The following GDA variants were observed in gnomAD, a reference collection of about 807,000 sequenced individuals.
GDA encodes guanine deaminase.
A neutral mutation model predicts 59.6 loss-of-function variants in GDA; 18 were observed. The observed-to-expected ratio is 0.30, with a 90% CI of 0.21 to 0.45. GDA has a LOEUF of 0.45. Ranked by LOEUF, GDA falls within the 20% of genes least tolerant of loss-of-function variation. The pLI, the probability that GDA is intolerant of heterozygous loss-of-function variation, is 1.00. For missense variants in GDA, 427 were observed against 552.3 expected (o/e 0.77, Z 2.27); for synonymous variants, 201 against 201.1 (o/e 1.00, Z 0.00).
chr9:72,195,618 G>A, intron 2 of GDA, 30 bp downstream of exon 2: 1 of 970,486 alleles, frequency 1.0e-6, no homozygotes, highest in South Asian at 1.7e-5. Context: ...CTTTTACTGG[G>A]TGCCACTAAT....
Position 72,245,277 on chromosome 9 carries a change from A to C in GDA, c.1265A>C (p.Glu422Ala). The change falls in exon 12 of 14, where the codon GAG (glutamate) becomes GCG (alanine). Residue 422 changes from glutamate (E) to alanine (A), a missense_variant and splice_region_variant. Physicochemically the swap from Glu to Ala is moderately radical, Grantham distance 107. Coordinates refer to ENST00000358399, the MANE Select transcript of GDA (RefSeq NM_004293.5). The stretch of plus-strand genomic sequence containing the variant: ...GGGGACTTTTTTGGTGATATTTCTG[A>C]GGTAAGTAAAAGAAAGTTAATCAAA... ...FYGDFFGDIS[E>A]AVIQKFLYLG... 1 of 1,606,812 alleles carries C rather than the reference A, an allele frequency of 6.2e-7. No individual in the cohort carries two copies. Among genetic ancestry groups the C allele is most frequent in the East Asian group, 2.2e-5 (1 of 44,828 alleles).
At position 72,213,647 on chromosome 9, in the gene GDA, C is replaced by CA. The variant is rs554520963; in HGVS notation, c.473-233dup. Among the ~76,000 whole-genome samples, 924 of 151,208 alleles carry CA rather than the reference C, an allele frequency of 6.1e-3. 5 individuals are homozygous for CA. Among genetic ancestry groups the CA allele is most frequent in the Non-Finnish European group, 8.1e-3 (549 of 67,784 alleles). ...TGAAACCCCGTCTCTACTAAAAATACAAAAAATTAGCCGGGCGCGGTGGCG... is the reference window on the plus strand; with the variant it reads ...TGAAACCCCGTCTCTACTAAAAATACAAAAAAATTAGCCGGGCGCGGTGGCG... On this transcript the variant is annotated intron_variant, in intron 4 of 13. Transcript: ENST00000358399.
In GDA at chr9:72,231,315, G is replaced by A. The variant is rs1254661221; in HGVS notation, c.988+134G>A. 1.6e-5 allele frequency: 9 copies of A among 580,026 alleles called. No homozygotes were observed. In the East Asian group the frequency reaches 2.2e-4, roughly 14 times the overall value. The allele number at this position is 580,026 out of a possible 1,614,324, so 35.9% of individuals were successfully genotyped here. ...TTTTGGGCCGGGCACGGTAGCTCACGTCTGTAATCCCAGCACTTTGGGAGG... is the reference window on the plus strand; with the variant it reads ...TTTTGGGCCGGGCACGGTAGCTCACATCTGTAATCCCAGCACTTTGGGAGG... On this transcript the variant is annotated intron_variant, in intron 10 of 13. Coordinates refer to ENST00000358399, the MANE Select transcript of GDA (RefSeq NM_004293.5).
At chr9:72,163,045 T>C (rs1461877585) in intron 1 of GDA, among the ~76,000 whole-genome samples, 1 of 152,014 alleles carries the variant, frequency 6.6e-6, no homozygotes, top group Non-Finnish European at 1.5e-5. Context: ...CTGGAAGAGA[T>C]GAGTTAGAAA....
intron 10 of GDA, among the ~76,000 whole-genome samples, chr9:72,238,022 C>G: frequency 6.6e-6 from 1 of 152,196 alleles, no homozygotes; most frequent in East Asian, 1.9e-4. Context: ...GATCATGTCA[C>G]CCCCTTGTGC....
At chr9:72,228,143 A>G (rs778311600) in intron 9 of GDA, 103 bp downstream of exon 9, 2 of 721,656 alleles carry the variant, frequency 2.8e-6, no homozygotes, top group African/African-American at 1.7e-5. Flanking sequence ...TCTCCCCTCT[A>G]TTCTGTGTTT....
intron 1 of GDA, among the ~76,000 whole-genome samples, chr9:72,137,647 C>T (rs1018244945): frequency 1.2e-4 from 19 of 152,170 alleles, no homozygotes; most frequent in African/African-American, 3.9e-4. Context: ...GGATCTTACC[C>T]CACACTAAGG....
Position 72,250,507 on chromosome 9 carries a change from T to A in GDA, c.*2165T>A, listed in dbSNP as rs1029708113. 8 of 1,378,868 alleles carry A rather than the reference T, an allele frequency of 5.8e-6. No individual in the cohort carries two copies. The highest frequency in any genetic ancestry group is 7.5e-6 in the Non-Finnish European group (8 of 1,066,528). The allele number at this position is 1,378,868 out of a possible 1,614,324, so 85.4% of individuals were successfully genotyped here. A position where few individuals can be genotyped will look rare whatever the true frequency, so the allele number is the denominator to read the frequency against. ...TAGGATGTGTTGAAATATTTATATGTACTTTGATCTCTCCACATCACTTAT... is the reference window on the plus strand; with the variant it reads ...TAGGATGTGTTGAAATATTTATATGAACTTTGATCTCTCCACATCACTTAT... On this transcript the variant is annotated 3_prime_UTR_variant, in exon 14 of 14. Coordinates refer to ENST00000358399, the MANE Select transcript of GDA (RefSeq NM_004293.5).
chr9:72,164,508 G>A (rs1829044396), intron 1 of GDA, among the ~76,000 whole-genome samples: 1 of 152,142 alleles, frequency 6.6e-6, no homozygotes, highest in African/African-American at 2.4e-5. Flanking sequence ...AGGACATGCA[G>A]ACAGTAATCA....
intron 1 of GDA, among the ~76,000 whole-genome samples, chr9:72,122,100 C>T (rs1245826041): frequency 6.6e-6 from 1 of 152,180 alleles, no homozygotes; most frequent in African/African-American, 2.4e-5. Context: ...TTCATCCACT[C>T]ATACAACTTT....
chr9:72,144,473 A>C (rs1826550388), upstream of GDA, among the ~76,000 whole-genome samples: 1 of 152,240 alleles, frequency 6.6e-6, no homozygotes, highest in Non-Finnish European at 1.5e-5. Flanking sequence ...AAAATATATT[A>C]GTTCCATATA....
chr9:72,225,260 G>A (rs916868267), intron 7 of GDA, among the ~76,000 whole-genome samples: 3 of 152,172 alleles, frequency 2.0e-5, no homozygotes, highest in Non-Finnish European at 2.9e-5. Context: ...CAGCCTGGGC[G>A]ACAGAGCCAG....
intron 1 of GDA, among the ~76,000 whole-genome samples, chr9:72,183,323 C>T (rs1359468811): frequency 1.3e-5 from 2 of 152,154 alleles, no homozygotes; most frequent in Non-Finnish European, 2.9e-5. Context: ...ATTCCACCTG[C>T]CTCCTTGACA....
intron 1 of GDA, among the ~76,000 whole-genome samples, chr9:72,172,348 T>C (rs996305674): frequency 1.3e-5 from 2 of 152,210 alleles, no homozygotes; most frequent in Non-Finnish European, 2.9e-5. Context: ...CTTGTTACTT[T>C]TCATTCATTA....
At chr9:72,220,135 A>G (rs1008755555) in intron 6 of GDA, among the ~76,000 whole-genome samples, 5 of 152,298 alleles carry the variant, frequency 3.3e-5, no homozygotes, top group African/African-American at 9.6e-5. Context: ...ATTTGTGACA[A>G]TGTGGATGAA....
rs149928787 is a variant in GDA at position 72,222,476 on chromosome 9, T to C, written c.607-644T>C. Among the ~76,000 whole-genome samples, 1,043 of 152,334 alleles carry C rather than the reference T, an allele frequency of 6.8e-3. 14 individuals carry two copies. The highest frequency in any genetic ancestry group is 0.024 in the African/African-American group (1,004 of 41,578). On this transcript the variant is annotated intron_variant, in intron 6 of 13. Transcript: ENST00000358399. ...TGCTGGATATTAGACTTTTGTCAGATGCATAGTTTGCAGAAACTTTCTCCC... is the reference window on the plus strand; with the variant it reads ...TGCTGGATATTAGACTTTTGTCAGACGCATAGTTTGCAGAAACTTTCTCCC...
chr9:72,222,363 A>T (rs1836996137), intron 6 of GDA, among the ~76,000 whole-genome samples: 1 of 152,050 alleles, frequency 6.6e-6, no homozygotes, highest in African/African-American at 2.4e-5. Context: ...ATCATATGTA[A>T]AACAGTGAAA....
At chr9:72,226,135 A>G (rs1294261309) in intron 8 of GDA, among the ~76,000 whole-genome samples, 1 of 152,164 alleles carries the variant, frequency 6.6e-6, no homozygotes, top group Non-Finnish European at 1.5e-5. Flanking sequence ...AACAGTATCT[A>G]TTAGAATGTA....
intron 1 of GDA, among the ~76,000 whole-genome samples, chr9:72,116,944 G>A (rs1010635777): frequency 3.5e-4 from 40 of 113,018 alleles, no homozygotes; most frequent in African/African-American, 1.3e-3. Flanking sequence ...CCCCACGACA[G>A]GCCCCAGTGT....
Sources: gnomAD v4.1 joint callset for allele counts (sites outside exome capture counted in the v4.1 genomes callset) on GRCh38, gnomAD v4.1.1 for gene constraint, MANE v1.5 for transcripts, NCBI Gene and HGNC (gene_info 2026-07-23, HGNC 2026-07-21) for gene names.